GALP: variants seen among roughly 807,000 people sequenced by gnomAD.
GALP encodes the protein galanin-like peptide.
Under a neutral mutation model 15.2 loss-of-function variants are expected in GALP, and 12 were observed. That is an observed-to-expected ratio of 0.79 (90% CI 0.51 to 1.28). The LOEUF (loss-of-function observed/expected upper bound fraction) is 1.28, where lower values mean the gene tolerates loss of function less well. Ranked by LOEUF, GALP falls within the 50% of genes most tolerant of loss-of-function variation. The pLI is 0.00. For missense variants in GALP, 161 were observed against 145.6 expected (o/e 1.11, Z -0.55); for synonymous variants, 58 against 55.1 (o/e 1.05, Z -0.23).
At chr19:56,180,283 ACTT>A (rs1430177092) in intron 2 of GALP, among the ~76,000 whole-genome samples, 1 of 152,184 alleles carries the variant, frequency 6.6e-6, no homozygotes, top group Non-Finnish European at 1.5e-5. Flanking sequence ...GAGCTCTAGG[ACTT>A]CTTCATCCTG....
Position 56,183,232 on chromosome 19 carries a change from A to G in GALP, c.295+20A>G. On this transcript the variant is annotated intron_variant, in intron 5 of 5. Coordinates refer to ENST00000357330, the MANE Select transcript of GALP (RefSeq NM_033106.4). ...TTGGAGGTAAAGCCAGGAAACACAG[A>G]AGAGAGACACCGACAGGAGAGGGGG... 3 of 1,577,482 alleles carry G rather than the reference A, an allele frequency of 1.9e-6. No individual in the cohort carries two copies. The South Asian group carries it at 3.3e-5, about 17-fold the overall frequency.
At chr19:56,181,820 A>G (rs2032571987) in intron 3 of GALP, among the ~76,000 whole-genome samples, 1 of 152,092 alleles carries the variant, frequency 6.6e-6, no homozygotes, top group African/African-American at 2.4e-5. Flanking sequence ...CATCCATAAA[A>G]TACCGAGATT....
At chr19:56,183,745 G>A (rs189898049) in intron 5 of GALP, among the ~76,000 whole-genome samples, 19 of 150,498 alleles carry the variant, frequency 1.3e-4, no homozygotes, top group Admixed American at 7.3e-4. Context: ...TTACAGGCAC[G>A]CGCCACCATG....
chr19:56,183,400 T>C (rs1323540143), intron 5 of GALP, among the ~76,000 whole-genome samples, 188 bp downstream of exon 5: 1 of 152,100 alleles, frequency 6.6e-6, no homozygotes, highest in Non-Finnish European at 1.5e-5. Context: ...TGGCCTCGAC[T>C]GCTCCCTTCA....
At chr19:56,182,274 C>CGTCT in intron 4 of GALP, 22 bp downstream of exon 4, 1 of 1,572,854 alleles carries the variant, frequency 6.4e-7, no homozygotes, top group Non-Finnish European at 8.8e-7. Context: ...GGGAGTTAGA[C>CGTCT]GTCTTCTCCT....
At chr19:56,179,371 A>G (rs1209051696) in intron 2 of GALP, among the ~76,000 whole-genome samples, 1 of 148,164 alleles carries the variant, frequency 6.7e-6, no homozygotes, top group Non-Finnish European at 1.5e-5. Flanking sequence ...GCAGTGGCGC[A>G]ATGTCAGCTC....
intron 4 of GALP, among the ~76,000 whole-genome samples, chr19:56,182,544 A>G (rs1051490362): frequency 1.3e-5 from 2 of 152,136 alleles, no homozygotes; most frequent in Non-Finnish European, 2.9e-5. Flanking sequence ...AATGACATAA[A>G]TGGAATAATC....
At chr19:56,183,924 C>G (rs567067098) in intron 5 of GALP, among the ~76,000 whole-genome samples, 2 of 151,786 alleles carry the variant, frequency 1.3e-5, no homozygotes, top group African/African-American at 4.8e-5. Flanking sequence ...ACATCAACCT[C>G]TCTCCTAAAT....
At chr19:56,178,040 C>CA (rs1201952621) in intron 2 of GALP, among the ~76,000 whole-genome samples, 2 of 151,652 alleles carry the variant, frequency 1.3e-5, no homozygotes, top group African/African-American at 2.4e-5. Context: ...GTTCTCACCA[C>CA]AAAAAAGCTA....
At chr19:56,182,845 G>A (rs77780586) in intron 4 of GALP, among the ~76,000 whole-genome samples, 5,004 of 152,152 alleles carry the variant, frequency 0.033, 250 homozygotes, top group African/African-American at 0.11. Context: ...CGTCGCGCCC[G>A]GCCTTATTTA....
intron 1 of GALP, among the ~76,000 whole-genome samples, chr19:56,176,792 C>T (rs1430231127): frequency 7.0e-6 from 1 of 142,282 alleles, no homozygotes; most frequent in Non-Finnish European, 1.5e-5. Context: ...AGGTGAGGGG[C>T]AGGTAAGGGG....
chr19:56,179,346 G>C (rs2032522327), intron 2 of GALP, among the ~76,000 whole-genome samples: 1 of 145,616 alleles, frequency 6.9e-6, no homozygotes, highest in Non-Finnish European at 1.5e-5. Context: ...TTCGCTCTGT[G>C]GCCCAGGCTA....
At chr19:56,183,352 T>C (rs1448603290) in intron 5 of GALP, 140 bp downstream of exon 5, 2 of 679,814 alleles carry the variant, frequency 2.9e-6, no homozygotes, top group East Asian at 2.6e-5. Context: ...CCACAGCCAC[T>C]ACCCCGACCA....
chr19:56,177,368 G>A (rs1438974936), intron 2 of GALP, among the ~76,000 whole-genome samples, 173 bp downstream of exon 2: 12 of 151,960 alleles, frequency 7.9e-5, no homozygotes, highest in Admixed American at 5.2e-4. Context: ...AAAATTAGCC[G>A]GGCATGGTGG....
At chr19:56,182,397 C>G in intron 4 of GALP, 145 bp downstream of exon 4, 1 of 603,262 alleles carries the variant, frequency 1.7e-6, no homozygotes, top group South Asian at 2.1e-5. Context: ...GCGTTTCCTT[C>G]AAGCTTCTGG....
intron 4 of GALP, 72 bp downstream of exon 4, chr19:56,182,324 G>A (rs1187866971): frequency 1.8e-6 from 2 of 1,124,858 alleles, no homozygotes; most frequent in Non-Finnish European, 2.7e-6. Flanking sequence ...TTTGGAAACT[G>A]GTAGATGTGA....
intron 2 of GALP, among the ~76,000 whole-genome samples, chr19:56,178,570 C>T (rs1468014966): frequency 2.0e-5 from 3 of 149,050 alleles, no homozygotes; most frequent in Non-Finnish European, 4.4e-5. Context: ...TTCAGCTGCC[C>T]TGAGTTGGGA....
intron 2 of GALP, among the ~76,000 whole-genome samples, chr19:56,178,521 C>CA (rs80223966): frequency 0.022 from 1,894 of 85,738 alleles, 39 homozygotes; most frequent in South Asian, 0.041. Flanking sequence ...ACAACAACAA[C>CA]AAAAAAAAAA....
intron 2 of GALP, among the ~76,000 whole-genome samples, chr19:56,179,004 C>T (rs543320066): frequency 2.6e-5 from 4 of 152,188 alleles, no homozygotes; most frequent in East Asian, 1.9e-4. Flanking sequence ...GCGAAACCCC[C>T]TGTCTCTATT....
Sources: allele counts gnomAD v4.1 joint callset (sites outside exome capture counted in the v4.1 genomes callset), GRCh38; gene constraint gnomAD v4.1.1; transcripts MANE v1.5; gene names NCBI Gene and HGNC (gene_info 2026-07-23, HGNC 2026-07-21).